Variants in QTMAN observed in about 807,000 individuals in gnomAD.
QTMAN encodes tRNA-queuosine alpha-mannosyltransferase.
the QTMAN span, among the ~76,000 whole-genome samples, chr2:144,098,856 A>AG: frequency 1.1e-3 from 169 of 152,186 alleles, 4 homozygotes; most frequent in East Asian, 0.03. Context: ...AGAAAAAAAA[A>AG]AAAAAACTGA....
the QTMAN span, among the ~76,000 whole-genome samples, chr2:144,009,738 A>G: frequency 6.6e-6 from 1 of 152,210 alleles, no homozygotes; most frequent in East Asian, 1.9e-4. Flanking sequence ...ATAGTTTCAA[A>G]CTGCATAGGC....
At chr2:144,125,634 T>C in the QTMAN span, among the ~76,000 whole-genome samples, 1 of 152,192 alleles carries the variant, frequency 6.6e-6, no homozygotes, top group Middle Eastern at 3.4e-3. Context: ...TACCCTAAAA[T>C]GCAAGATATC....
At chr2:144,113,351 T>C in the QTMAN span, among the ~76,000 whole-genome samples, 1 of 148,018 alleles carries the variant, frequency 6.8e-6, no homozygotes, top group Non-Finnish European at 1.5e-5. Context: ...ATGGAGGAGA[T>C]AACAAAAAGA....
At chr2:143,942,954 CTGAAGACACA>C in the QTMAN span, 3 of 152,256 alleles carry the variant, frequency 2.0e-5, no homozygotes, top group African/African-American at 7.2e-5. Context: ...AATAAATACA[CTGAAGACACA>C]TGAAATGTCA....
the QTMAN span, among the ~76,000 whole-genome samples, chr2:144,114,538 T>C: frequency 6.6e-6 from 1 of 152,212 alleles, no homozygotes; most frequent in Non-Finnish European, 1.5e-5. Context: ...ACACTTCACT[T>C]TCAATGCCCT....
chr2:144,283,359 C>A, the QTMAN span, among the ~76,000 whole-genome samples: 592 of 152,200 alleles, frequency 3.9e-3, 3 homozygotes, highest in African/African-American at 0.014. Context: ...GAGGAAAAAA[C>A]CCCATAAACA....
the QTMAN span, among the ~76,000 whole-genome samples, chr2:144,272,102 C>T: frequency 6.6e-6 from 1 of 151,930 alleles, no homozygotes; most frequent in Non-Finnish European, 1.5e-5. Context: ...TAGTAATCAG[C>T]GTACTGTAAT....
At chr2:144,212,060 G>T in the QTMAN span, among the ~76,000 whole-genome samples, 1 of 152,210 alleles carries the variant, frequency 6.6e-6, no homozygotes, top group Non-Finnish European at 1.5e-5. Flanking sequence ...CTAGAAGATG[G>T]CAGAGAGCCA....
chr2:144,194,192 T>A, the QTMAN span, among the ~76,000 whole-genome samples: 1 of 152,170 alleles, frequency 6.6e-6, no homozygotes, highest in South Asian at 2.1e-4. Flanking sequence ...TTTAAAACAT[T>A]ATTTAATCCA....
chr2:144,034,791 T>A, the QTMAN span, among the ~76,000 whole-genome samples: 25 of 152,330 alleles, frequency 1.6e-4, no homozygotes, highest in East Asian at 4.2e-3. Flanking sequence ...GATCTTCTGT[T>A]TTATTTTGTC....
chr2:144,185,204 G>GTAT, the QTMAN span, among the ~76,000 whole-genome samples: 1 of 152,158 alleles, frequency 6.6e-6, no homozygotes, highest in African/African-American at 2.4e-5. Context: ...TGTAAGGTAG[G>GTAT]TATTATTAGT....
the QTMAN span, among the ~76,000 whole-genome samples, chr2:143,993,136 C>T: frequency 5.9e-5 from 9 of 152,180 alleles, no homozygotes; most frequent in East Asian, 5.8e-4. Context: ...ACATTTATCA[C>T]GGCAAATTTT....
the QTMAN span, among the ~76,000 whole-genome samples, chr2:144,126,821 G>A: frequency 6.6e-6 from 1 of 151,958 alleles, no homozygotes; most frequent in Non-Finnish European, 1.5e-5. Flanking sequence ...CAACTGGGAG[G>A]AGAAAGGCTC....
chr2:144,064,955 G>A, the QTMAN span, among the ~76,000 whole-genome samples: 1 of 152,126 alleles, frequency 6.6e-6, no homozygotes, highest in Non-Finnish European at 1.5e-5. Flanking sequence ...GAGGAGAGGG[G>A]GGCAGAGTCC....
chr2:143,939,930 GTCTCTT>G, the QTMAN span: 16 of 152,086 alleles, frequency 1.1e-4, no homozygotes, highest in African/African-American at 3.4e-4. Flanking sequence ...GACCATGTTT[GTCTCTT>G]TCTCTTTCTT....
the QTMAN span, among the ~76,000 whole-genome samples, chr2:144,203,028 T>C: frequency 3.9e-5 from 6 of 152,202 alleles, no homozygotes; most frequent in South Asian, 1.2e-3. Flanking sequence ...CCCTTCTAAC[T>C]GGAATATTTT....
chr2:144,174,683 G>A, the QTMAN span, among the ~76,000 whole-genome samples: 2 of 152,250 alleles, frequency 1.3e-5, no homozygotes, highest in Admixed American at 1.3e-4. Flanking sequence ...TCATGACAGT[G>A]AATAAGTCTC....
At chr2:143,992,055 G>A in the QTMAN span, among the ~76,000 whole-genome samples, 20 of 152,308 alleles carry the variant, frequency 1.3e-4, no homozygotes, top group South Asian at 3.7e-3. Flanking sequence ...CATTGAGAAC[G>A]GGCCATGATG....
chr2:144,246,352 T>C, the QTMAN span, among the ~76,000 whole-genome samples: 1 of 151,360 alleles, frequency 6.6e-6, no homozygotes, highest in East Asian at 1.9e-4. Context: ...GGCGGGTGGA[T>C]CATGAGGTCA....
Sources: allele counts gnomAD v4.1 joint callset (sites outside exome capture counted in the v4.1 genomes callset), GRCh38; gene constraint gnomAD v4.1.1; transcripts MANE v1.5; gene names NCBI Gene and HGNC (gene_info 2026-07-23, HGNC 2026-07-21).